Variants in SLC36A1 observed in about 807,000 individuals in gnomAD.
SLC36A1 encodes the protein solute carrier family 36 member 1.
Under a neutral mutation model 47.5 loss-of-function variants are expected in SLC36A1, and 30 were observed. The ratio of observed to expected loss-of-function variants is 0.63; its 90% CI spans 0.47 to 0.86. The LOEUF is 0.86. Ranked by LOEUF, SLC36A1 falls within the 40% of genes least tolerant of loss-of-function variation. SLC36A1 has a pLI of 0.00. For missense variants in SLC36A1, 517 were observed against 606.0 expected (o/e 0.85, Z 1.54); for synonymous variants, 255 against 249.7 (o/e 1.02, Z -0.20).
chr5:151,509,968 A>C, the SLC36A1 span: 9 of 1,593,918 alleles, frequency 5.6e-6, no homozygotes, highest in African/African-American at 1.3e-4. Context: ...GTCAGAGTAC[A>C]GAGCGCATTC....
chr5:151,392,220 T>C, the SLC36A1 span, among the ~76,000 whole-genome samples: 1 of 152,138 alleles, frequency 6.6e-6, no homozygotes, highest in African/African-American at 2.4e-5. Flanking sequence ...CTGATGGTAG[T>C]TGTATTTCTG....
chr5:151,502,310 A>C, the SLC36A1 span, among the ~76,000 whole-genome samples: 1 of 106,320 alleles, frequency 9.4e-6, no homozygotes, highest in Non-Finnish European at 1.7e-5. Flanking sequence ...AGACTCTGTC[A>C]AAAAAAAAAA....
chr5:151,505,448 G>A, the SLC36A1 span: 1 of 1,255,326 alleles, frequency 8.0e-7, no homozygotes, highest in Non-Finnish European at 1.1e-6. Flanking sequence ...AACAGCCTGG[G>A]CTGAGGGCTT....
At chr5:151,424,260 T>A in the SLC36A1 span, among the ~76,000 whole-genome samples, 1 of 152,168 alleles carries the variant, frequency 6.6e-6, no homozygotes, top group Non-Finnish European at 1.5e-5. Context: ...ACCTCTAATA[T>A]CACAGAGAAC....
chr5:151,411,424 A>G, the SLC36A1 span, among the ~76,000 whole-genome samples: 1 of 144,616 alleles, frequency 6.9e-6, no homozygotes, highest in African/African-American at 2.5e-5. Context: ...GTGGCACCTG[A>G]CCTGAGCTGA....
At chr5:151,527,743 C>T in the SLC36A1 span, among the ~76,000 whole-genome samples, 10 of 152,172 alleles carry the variant, frequency 6.6e-5, no homozygotes, top group Admixed American at 5.2e-4. Context: ...TTATAATGAT[C>T]TAATGATCCC....
upstream of SLC36A1, among the ~76,000 whole-genome samples, chr5:151,433,745 C>A (rs1456234316): frequency 6.6e-6 from 1 of 152,048 alleles, no homozygotes; most frequent in African/African-American, 2.4e-5. Flanking sequence ...GGTATTTGCT[C>A]AACCCAGTGA....
At chr5:151,447,034 G>GT (rs56949601), upstream of SLC36A1, among the ~76,000 whole-genome samples, 35,344 of 152,144 alleles carry the variant, frequency 0.23, 4,433 homozygotes, top group African/African-American at 0.31. Context: ...TCTTGTGACA[G>GT]TTTTTGACTT....
At chr5:151,494,365 T>C (rs756431006), downstream of SLC36A1, among the ~76,000 whole-genome samples, 6 of 152,232 alleles carry the variant, frequency 3.9e-5, no homozygotes, top group Non-Finnish European at 8.8e-5. Flanking sequence ...GTTCAATGTG[T>C]TTTGCATACA....
intron 3 of SLC36A1, 82 bp from the exon 4 acceptor site, chr5:151,464,432 T>C: frequency 4.8e-6 from 6 of 1,245,348 alleles, no homozygotes; most frequent in Admixed American, 1.8e-5. Context: ...TTTTAATCCT[T>C]TGTGAACTGA....
chr5:151,347,707 C>T, the SLC36A1 span: 8 of 543,568 alleles, frequency 1.5e-5, no homozygotes, highest in Non-Finnish European at 2.6e-5. Flanking sequence ...AGGCATCACC[C>T]ATTCGTATTG....
At chr5:151,355,931 A>AT in the SLC36A1 span, among the ~76,000 whole-genome samples, 2 of 152,238 alleles carry the variant, frequency 1.3e-5, no homozygotes. Context: ...GTGTGAGAAT[A>AT]TAAGTGGACA....
At chr5:151,375,206 T>C in the SLC36A1 span, among the ~76,000 whole-genome samples, 4 of 152,318 alleles carry the variant, frequency 2.6e-5, no homozygotes, top group East Asian at 7.7e-4. Flanking sequence ...TATGTTTAAG[T>C]CTCTAATCCA....
At chr5:151,505,573 T>C in the SLC36A1 span, 10 of 1,613,960 alleles carry the variant, frequency 6.2e-6, no homozygotes, top group East Asian at 6.7e-5. Flanking sequence ...AGCTAGAACA[T>C]GACCTCCTCA....
At chr5:151,409,310 G>C in the SLC36A1 span, among the ~76,000 whole-genome samples, 1 of 152,040 alleles carries the variant, frequency 6.6e-6, no homozygotes, top group Admixed American at 6.6e-5. Context: ...GTTGGGGTGG[G>C]GGGGATAGAT....
chr5:151,528,820 GT>G, the SLC36A1 span, among the ~76,000 whole-genome samples: 2 of 152,156 alleles, frequency 1.3e-5, no homozygotes, highest in Non-Finnish European at 2.9e-5. Flanking sequence ...CCCCACAACT[GT>G]CATTCCACGT....
chr5:151,525,033 C>T, the SLC36A1 span, among the ~76,000 whole-genome samples: 822 of 152,302 alleles, frequency 5.4e-3, 13 homozygotes, highest in African/African-American at 0.019. Context: ...GGAATCATTC[C>T]CTCCTTACCC....
chr5:151,400,117 G>A, the SLC36A1 span, among the ~76,000 whole-genome samples: 1 of 152,142 alleles, frequency 6.6e-6, no homozygotes, highest in East Asian at 1.9e-4. Context: ...CCCAGGTAAC[G>A]ATCTTAGTAC....
upstream of SLC36A1, among the ~76,000 whole-genome samples, chr5:151,436,373 G>T (rs1037663364): frequency 6.6e-6 from 1 of 152,004 alleles, no homozygotes; most frequent in South Asian, 2.1e-4. Flanking sequence ...CTACAGTACT[G>T]AAAGGCAGAT....
Sources: allele counts gnomAD v4.1 joint callset (sites outside exome capture counted in the v4.1 genomes callset), GRCh38; gene constraint gnomAD v4.1.1; transcripts MANE v1.5; gene names NCBI Gene and HGNC (gene_info 2026-07-23, HGNC 2026-07-21).